The following IFNAR1 variants were observed in gnomAD, a reference collection of about 807,000 sequenced individuals.
The protein encoded by IFNAR1 is interferon alpha/beta receptor 1.
A neutral mutation model predicts 62.1 loss-of-function variants in IFNAR1; 47 were observed. The ratio of observed to expected loss-of-function variants is 0.76; its 90% CI spans 0.60 to 0.97. The LOEUF (loss-of-function observed/expected upper bound fraction) is 0.97, where lower values mean the gene tolerates loss of function less well. IFNAR1 is among the 50% of genes least tolerant of loss of function. IFNAR1 has a pLI of 0.00. For missense variants in IFNAR1, 638 were observed against 654.5 expected (o/e 0.97, Z 0.27); for synonymous variants, 219 against 226.9 (o/e 0.97, Z 0.31).
Position 33,333,614 on chromosome 21 carries a change from A to ATTTT in IFNAR1, c.77-1902_77-1899dup, listed in dbSNP as rs59240203. 7.4e-4 allele frequency among the ~76,000 whole-genome samples: 79 copies of ATTTT among 106,976 alleles called. 9 individuals carry two copies. Among genetic ancestry groups the ATTTT allele is most frequent in the African/African-American group, 2.5e-3 (61 of 24,424 alleles). 70.2% of individuals were successfully genotyped at this position (106,976 alleles called of 152,430 possible). ...CCATACTTAAAGAGACTGGCGGAAT[A>ATTTT]TTTTTTTTTTTCTTTTTTTTTTTTT... On this transcript the variant is annotated intron_variant, in intron 1 of 10. Transcript: ENST00000270139.
upstream of IFNAR1, chr21:33,324,892 G>GGGGTGTGTGTGTGTGTGT (rs145550964): frequency 1.1e-4 from 63 of 571,652 alleles, no homozygotes; most frequent in Middle Eastern, 9.4e-4. Flanking sequence ...GCGGAGGGGC[G>GGGGTGTGTGTGTGTGTGT]GTGTGTGTGT....
chr21:33,351,578 T>C (rs1008248649), intron 8 of IFNAR1, among the ~76,000 whole-genome samples: 2 of 151,098 alleles, frequency 1.3e-5, no homozygotes, highest in African/African-American at 4.9e-5. Context: ...AGACAGGTTC[T>C]CATTCTTTTT....
intron 1 of IFNAR1, among the ~76,000 whole-genome samples, chr21:33,330,484 G>C (rs1314052902): frequency 1.3e-5 from 2 of 152,078 alleles, no homozygotes; most frequent in African/African-American, 4.8e-5. Context: ...TAAGTTTATA[G>C]CTCAAGCTGA....
At chr21:33,324,791 AG>A (rs2083106813), upstream of IFNAR1, 2 of 506,240 alleles carry the variant, frequency 4.0e-6, no homozygotes, top group Non-Finnish European at 7.1e-6. Flanking sequence ...GCGCGCGCAC[AG>A]GGGTGCTGCA....
At position 33,353,714 on chromosome 21, in the gene IFNAR1, G is replaced by A. The variant is rs80214730; in HGVS notation, c.1371G>A (p.Ala457=). 1,558 of 1,592,020 alleles carry A rather than the reference G, an allele frequency of 9.8e-4. 12 individuals are homozygous for A. In the African/African-American group the frequency reaches 0.018, roughly 19 times the overall value. ...LFALPFVIYA[A]KVFLRCINYV... is the part of the protein sequence containing the mutation. The stretch of plus-strand genomic sequence containing the variant: ...CTCTCCCGTTTGTCATTTATGCTGC[G>A]AAAGTCTTCTTGAGATGCATCAATT... Residue 457 remains alanine, a synonymous_variant, in exon 10 of 11, where the codon GCG becomes GCA. Transcript: ENST00000270139.
chr21:33,325,233 G>C, intron 1 of IFNAR1, 102 bp downstream of exon 1: 1 of 1,029,984 alleles, frequency 9.7e-7, no homozygotes, highest in Non-Finnish European at 1.5e-6. Flanking sequence ...CGCCCAGTCT[G>C]GGAAACCTTC....
upstream of IFNAR1, chr21:33,324,948 G>C (rs957310711): frequency 2.3e-5 from 21 of 926,086 alleles, no homozygotes; most frequent in Non-Finnish European, 3.5e-5. Context: ...AGCTAAGAGG[G>C]GCAGCGCGTG....
chr21:33,358,765 C>G lies in IFNAR1; in HGVS notation c.*3216C>G, dbSNP rs1477521108. On this transcript the variant is annotated 3_prime_UTR_variant, in exon 11 of 11. Transcript: ENST00000270139. ...TATAATCTCAGCACTTTTGGGAGGC[C>G]AAGACAGGAGGATCACTTCAGGCCA... The G allele has an allele frequency of 6.6e-6, 1 of 151,842 alleles. No homozygotes were observed. The highest frequency in any genetic ancestry group is 2.4e-5 in the African/African-American group (1 of 41,304). The allele number at this position is 151,842 out of a possible 1,614,324, so 9.4% of individuals were successfully genotyped here.
chr21:33,346,737 A>G (rs748886194), intron 6 of IFNAR1, among the ~76,000 whole-genome samples: 12 of 152,250 alleles, frequency 7.9e-5, no homozygotes, highest in Non-Finnish European at 1.6e-4. Flanking sequence ...TATACAAATT[A>G]TAAGGGTTGC....
intron 6 of IFNAR1, among the ~76,000 whole-genome samples, chr21:33,348,555 A>G (rs17875829): frequency 0.048 from 7,383 of 152,246 alleles, 629 homozygotes; most frequent in African/African-American, 0.17. Context: ...ACCAGTTTGT[A>G]TTTTAGGAGG....
chr21:33,350,005 G>T (rs1463498841), intron 8 of IFNAR1, among the ~76,000 whole-genome samples: 2 of 151,662 alleles, frequency 1.3e-5, no homozygotes, highest in Non-Finnish European at 2.9e-5. Context: ...TAGAGTTATG[G>T]GTGAGCTGCA....
intron 6 of IFNAR1, among the ~76,000 whole-genome samples, chr21:33,346,656 A>C (rs2083350441): frequency 6.6e-6 from 1 of 152,248 alleles, no homozygotes; most frequent in African/African-American, 2.4e-5. Flanking sequence ...AGCAGAATCA[A>C]ACGTGGTTCA....
At chr21:33,345,834 C>G (rs2083340149) in intron 6 of IFNAR1, among the ~76,000 whole-genome samples, 1 of 152,210 alleles carries the variant, frequency 6.6e-6, no homozygotes, top group Admixed American at 6.5e-5. Flanking sequence ...GTAGTAGATA[C>G]TTCGGTGGGA....
chr21:33,336,151 C>G (rs2083232562), intron 2 of IFNAR1, among the ~76,000 whole-genome samples: 1 of 144,898 alleles, frequency 6.9e-6, no homozygotes, highest in Admixed American at 7.0e-5. Context: ...TCAGTTCCCA[C>G]CTATGAGTGA....
chr21:33,352,687 T>A (rs986450532), intron 8 of IFNAR1, 71 bp from the exon 9 acceptor site: 5 of 819,836 alleles, frequency 6.1e-6, no homozygotes, highest in South Asian at 4.0e-5. Flanking sequence ...ACATAAAAAA[T>A]TGAGAAAGCA....
intron 3 of IFNAR1, among the ~76,000 whole-genome samples, chr21:33,341,645 A>G (rs1178457601): frequency 1.3e-5 from 2 of 152,130 alleles, no homozygotes; most frequent in Non-Finnish European, 2.9e-5. Context: ...CTTTTGGCAA[A>G]TGTTTGTTAC....
intron 2 of IFNAR1, among the ~76,000 whole-genome samples, chr21:33,337,327 T>A (rs1029276143): frequency 1.3e-5 from 2 of 152,140 alleles, no homozygotes; most frequent in Admixed American, 1.3e-4. Flanking sequence ...TAGTACTTTC[T>A]ACTTAATTAT....
intron 6 of IFNAR1, among the ~76,000 whole-genome samples, chr21:33,347,686 T>C (rs2083362721): frequency 6.6e-6 from 1 of 152,190 alleles, no homozygotes; most frequent in African/African-American, 2.4e-5. Context: ...TTCTGCCACT[T>C]AATGTAACCT....
At chr21:33,347,430 A>AT (rs962606118) in intron 6 of IFNAR1, among the ~76,000 whole-genome samples, 9 of 151,412 alleles carry the variant, frequency 5.9e-5, no homozygotes, top group South Asian at 2.1e-4. Context: ...GCGCTCAGCC[A>AT]TTTTTTTTGT....
Sources: allele counts gnomAD v4.1 joint callset (sites outside exome capture counted in the v4.1 genomes callset), GRCh38; gene constraint gnomAD v4.1.1; transcripts MANE v1.5; gene names NCBI Gene and HGNC (gene_info 2026-07-23, HGNC 2026-07-21).